Variants in CCDC192 observed in about 807,000 individuals in gnomAD.
CCDC192 encodes coiled-coil domain-containing protein 192.
chr5:127,742,801 G>A lies in CCDC192; in HGVS notation c.115-11467G>A, dbSNP rs555223077. Among the ~76,000 whole-genome samples, 5 of 152,270 alleles carry A rather than the reference G, an allele frequency of 3.3e-5. No individual in the cohort carries two copies. The South Asian group carries it at 6.2e-4, about 19-fold the overall frequency. On this transcript the variant is annotated intron_variant, in intron 2 of 6. Coordinates refer to ENST00000514853, the MANE Select transcript of CCDC192 (RefSeq NM_001317938.2). The stretch of plus-strand genomic sequence containing the variant: ...CTCAGAATAAATGACAGTCTTCAAA[G>A]TGGAATCAATTTGGCTTCATGAAAA...
At chr5:127,817,701 T>G (rs751115389) in intron 5 of CCDC192, among the ~76,000 whole-genome samples, 1 of 152,218 alleles carries the variant, frequency 6.6e-6, no homozygotes, top group South Asian at 2.1e-4. Context: ...GTAGTGATAG[T>G]TGCACAACTT....
At chr5:127,933,690 C>T (rs1754113676) in intron 6 of CCDC192, among the ~76,000 whole-genome samples, 1 of 152,158 alleles carries the variant, frequency 6.6e-6, no homozygotes, top group South Asian at 2.1e-4. Context: ...TTGTGGTCCT[C>T]CAAAATATGT....
intron 5 of CCDC192, among the ~76,000 whole-genome samples, chr5:127,802,037 A>C (rs1757532525): frequency 6.6e-6 from 1 of 152,158 alleles, no homozygotes; most frequent in Admixed American, 6.5e-5. Context: ...TATACTCCTA[A>C]GTTAGGTTTC....
intron 2 of CCDC192, among the ~76,000 whole-genome samples, chr5:127,748,325 T>C (rs370425926): frequency 2.0e-5 from 1 of 50,918 alleles, no homozygotes; most frequent in East Asian, 6.2e-4. Flanking sequence ...TTTCTACATA[T>C]GGCTAGCCAG....
intron 2 of CCDC192, among the ~76,000 whole-genome samples, chr5:127,725,664 A>G (rs950459806): frequency 6.6e-6 from 1 of 152,172 alleles, no homozygotes; most frequent in Non-Finnish European, 1.5e-5. Context: ...TGGCTACCCT[A>G]TGGGACAGTG....
At chr5:127,739,174 T>C (rs553414746) in intron 2 of CCDC192, among the ~76,000 whole-genome samples, 1 of 152,126 alleles carries the variant, frequency 6.6e-6, no homozygotes, top group East Asian at 1.9e-4. Flanking sequence ...TGCAGGTCTG[T>C]TGGAATACCC....
At chr5:127,785,072 G>T (rs1046302263) in intron 3 of CCDC192, 2 of 511,062 alleles carry the variant, frequency 3.9e-6, no homozygotes, top group Non-Finnish European at 4.0e-6. Context: ...TCAGTCAGCT[G>T]CTGTACAGTG....
chr5:127,933,568 T>C (rs1310842572), intron 6 of CCDC192, among the ~76,000 whole-genome samples: 3 of 152,112 alleles, frequency 2.0e-5, no homozygotes, highest in Non-Finnish European at 4.4e-5. Flanking sequence ...AGACAAGTGT[T>C]TTTCATTCAT....
intron 6 of CCDC192, among the ~76,000 whole-genome samples, chr5:127,929,138 C>CA (rs1447929647): frequency 6.6e-6 from 1 of 152,176 alleles, no homozygotes; most frequent in Admixed American, 6.5e-5. Flanking sequence ...GTGATGATCC[C>CA]ACTTGGCTGG....
At chr5:127,833,100 A>G (rs1280382706) in intron 5 of CCDC192, among the ~76,000 whole-genome samples, 1 of 152,218 alleles carries the variant, frequency 6.6e-6, no homozygotes, top group Non-Finnish European at 1.5e-5. Flanking sequence ...CAGAAAATAT[A>G]GATTGGAGCA....
chr5:127,707,793 TA>T, intron 2 of CCDC192, 33 bp downstream of exon 2: 1 of 398,222 alleles, frequency 2.5e-6, no homozygotes, highest in Non-Finnish European at 4.4e-6. Flanking sequence ...ATTCTTTATT[TA>T]AAAAAATCAT....
At chr5:127,706,168 T>C (rs1750946191) in intron 1 of CCDC192, among the ~76,000 whole-genome samples, 1 of 152,098 alleles carries the variant, frequency 6.6e-6, no homozygotes, top group Non-Finnish European at 1.5e-5. Flanking sequence ...AATATGGAAA[T>C]AAAACAATGT....
intron 6 of CCDC192, among the ~76,000 whole-genome samples, chr5:127,925,334 G>T (rs1298989241): frequency 6.6e-6 from 1 of 152,086 alleles, no homozygotes; most frequent in Non-Finnish European, 1.5e-5. Context: ...ATTATCTTTT[G>T]TAATTTCAAG....
At chr5:127,882,278 T>G (rs1026189867) in intron 6 of CCDC192, among the ~76,000 whole-genome samples, 3 of 152,206 alleles carry the variant, frequency 2.0e-5, no homozygotes, top group African/African-American at 7.2e-5. Context: ...ACTATTGCTA[T>G]CCTACATTCT....
chr5:127,705,830 G>A (rs1750926040), intron 1 of CCDC192, among the ~76,000 whole-genome samples: 1 of 152,180 alleles, frequency 6.6e-6, no homozygotes. Context: ...GAGTTTCACT[G>A]ATAGAAGATG....
At position 127,832,146 on chromosome 5, in the gene CCDC192, A is replaced by C. The variant is rs78590683; in HGVS notation, c.411+33984A>C. Among the ~76,000 whole-genome samples, 489 of 152,330 alleles carry C rather than the reference A, an allele frequency of 3.2e-3. 3 individuals carry two copies. The highest frequency in any genetic ancestry group is 0.011 in the African/African-American group (457 of 41,574). On this transcript the variant is annotated intron_variant, in intron 5 of 6. Coordinates refer to ENST00000514853, the MANE Select transcript of CCDC192 (RefSeq NM_001317938.2). ...ACTGAATAGCTAGTAAATACATGAAAATATCTTTAATCTCACCAGTATTCA... is the reference window on the plus strand; with the variant it reads ...ACTGAATAGCTAGTAAATACATGAACATATCTTTAATCTCACCAGTATTCA...
At chr5:127,770,099 T>C (rs1294663572) in intron 3 of CCDC192, among the ~76,000 whole-genome samples, 1 of 152,176 alleles carries the variant, frequency 6.6e-6, no homozygotes, top group African/African-American at 2.4e-5. Flanking sequence ...TTTTATTTTG[T>C]TTAGAGACTG....
chr5:127,803,741 A>G (rs1031677064), intron 5 of CCDC192, among the ~76,000 whole-genome samples: 17 of 152,228 alleles, frequency 1.1e-4, no homozygotes, highest in African/African-American at 4.1e-4. Context: ...CACCCACAAG[A>G]CCTGACCAGG....
At chr5:127,813,924 G>A (rs1489570663) in intron 5 of CCDC192, among the ~76,000 whole-genome samples, 1 of 152,172 alleles carries the variant, frequency 6.6e-6, no homozygotes, top group African/African-American at 2.4e-5. Context: ...AATCCAAGAA[G>A]AGGCAAAGGA....
Sources: gnomAD v4.1 joint callset for allele counts (sites outside exome capture counted in the v4.1 genomes callset) on GRCh38, gnomAD v4.1.1 for gene constraint, MANE v1.5 for transcripts, NCBI Gene and HGNC (gene_info 2026-07-23, HGNC 2026-07-21) for gene names.